PARN: variants seen among roughly 807,000 people sequenced by gnomAD.
PARN encodes poly(A)-specific ribonuclease.
PARN carries 71 observed loss-of-function variants against 102.8 expected under a neutral mutation model. The ratio of observed to expected loss-of-function variants is 0.69; its 90% CI spans 0.57 to 0.84. PARN has a LOEUF of 0.84. Among genes scored for constraint, PARN ranks in the 40% least tolerant of loss-of-function variants. The probability of loss-of-function intolerance (pLI) is 0.00; values close to 1 mark genes in which losing one functional copy is unlikely to be tolerated. For synonymous variants in PARN, 261 were observed against 252.9 expected (o/e 1.03, Z -0.30); for missense variants, 782 against 760.9 (o/e 1.03, Z -0.33).
intron 18 of PARN, among the ~76,000 whole-genome samples, chr16:14,567,314 A>G (rs1176769357): frequency 6.6e-6 from 1 of 152,102 alleles, no homozygotes; most frequent in African/African-American, 2.4e-5. Context: ...CAGTGCTAAA[A>G]TTTCACTCCT....
At chr16:14,517,835 C>G (rs1269037625) in intron 21 of PARN, among the ~76,000 whole-genome samples, 1 of 152,032 alleles carries the variant, frequency 6.6e-6, no homozygotes. Flanking sequence ...TGCGCCACCA[C>G]ACCCAGCTAA....
chr16:14,620,363 C>T (rs980862241), intron 5 of PARN, among the ~76,000 whole-genome samples: 13 of 152,060 alleles, frequency 8.5e-5, no homozygotes, highest in Non-Finnish European at 1.8e-4. Flanking sequence ...GGCGACAGAG[C>T]GAGACTCCAT....
chr16:14,463,965 C>T (rs1303332102), intron 22 of PARN, among the ~76,000 whole-genome samples: 7 of 151,832 alleles, frequency 4.6e-5, no homozygotes, highest in South Asian at 2.1e-4. Context: ...ACCCTAGTAA[C>T]TGGGACTACT....
intron 23 of PARN, among the ~76,000 whole-genome samples, chr16:14,438,817 G>C (rs528834418): frequency 6.6e-6 from 1 of 152,308 alleles, no homozygotes; most frequent in South Asian, 2.1e-4. Flanking sequence ...GAGCGAGAAT[G>C]ATGTGTACAA....
At chr16:14,512,275 G>A (rs999702554) in intron 21 of PARN, among the ~76,000 whole-genome samples, 2 of 152,148 alleles carry the variant, frequency 1.3e-5, no homozygotes, top group African/African-American at 2.4e-5. Context: ...GCTGAGGCAG[G>A]CAGATTGCTT....
chr16:14,619,754 A>G (rs1972172623), intron 5 of PARN, among the ~76,000 whole-genome samples: 2 of 151,506 alleles, frequency 1.3e-5, no homozygotes, highest in Non-Finnish European at 2.9e-5. Context: ...GGGTGACAGA[A>G]CAAGTCTCTG....
chr16:14,625,867 A>G (rs1231673934), intron 5 of PARN, among the ~76,000 whole-genome samples: 2 of 152,242 alleles, frequency 1.3e-5, no homozygotes, highest in African/African-American at 2.4e-5. Flanking sequence ...GATAGGATGC[A>G]AGATTTTAAG....
At chr16:14,528,171 A>G (rs1435299555) in intron 21 of PARN, among the ~76,000 whole-genome samples, 1 of 152,228 alleles carries the variant, frequency 6.6e-6, no homozygotes, top group African/African-American at 2.4e-5. Context: ...TTCACCTTAC[A>G]GCAAACTTCT....
intron 6 of PARN, among the ~76,000 whole-genome samples, chr16:14,614,892 A>C (rs532971483): frequency 3.3e-5 from 5 of 150,446 alleles, no homozygotes; most frequent in Middle Eastern, 3.4e-3. Context: ...AAGAAAAGAA[A>C]ATTCAGGTGT....
rs1223817351 is a variant in PARN, at chr16:14,627,266, T to C, written c.245+3A>G. 10 of 1,592,304 alleles carry C rather than the reference T, an allele frequency of 6.3e-6. No individual in the cohort carries two copies. Among genetic ancestry groups the C allele is most frequent in the Non-Finnish European group, 8.6e-6 (10 of 1,167,682 alleles). On this transcript the variant is annotated splice_donor_region_variant and intron_variant, in intron 4 of 23. Coordinates refer to ENST00000437198, the MANE Select transcript of PARN (RefSeq NM_002582.4). ...ATTCCCAACGTTTGTTAACACAACC[T>C]ACTTTGAATCTGTGTAGTCATACTT...
At chr16:14,568,890 T>C (rs1596696829) in intron 18 of PARN, among the ~76,000 whole-genome samples, 2 of 147,240 alleles carry the variant, frequency 1.4e-5, no homozygotes, top group South Asian at 2.2e-4. Context: ...CAAGACTCCA[T>C]CTCAAAAAAA....
At chr16:14,437,588 G>C (rs1485199454) in intron 23 of PARN, among the ~76,000 whole-genome samples, 1 of 152,190 alleles carries the variant, frequency 6.6e-6, no homozygotes, top group Non-Finnish European at 1.5e-5. Flanking sequence ...GGACTTCAAC[G>C]AATGTGAGGG....
chr16:14,533,109 G>T (rs1966440447), intron 21 of PARN, among the ~76,000 whole-genome samples: 1 of 152,054 alleles, frequency 6.6e-6, no homozygotes, highest in African/African-American at 2.4e-5. Flanking sequence ...ACTCCAGCCT[G>T]GGCACCATTG....
Position 14,555,659 on chromosome 16 carries a change from G to T in PARN, c.1313C>A (p.Pro438Gln). The change falls in exon 19 of 24, where the codon CCA becomes CAA. Residue 438 changes from proline to glutamine, a missense_variant. Transcript: ENST00000437198. ...GAAAATAAAAATTTACTTACAGTCT[G>T]GTCCTTCCAAGTTTAGATAGGGGAT... ...MDIPYLNLEG[P>Q]DLQPKRDHVL... 7.0e-7 allele frequency: 1 copy of T among 1,423,888 alleles called. No homozygotes were observed. The highest frequency in any genetic ancestry group is 9.6e-7 in the Non-Finnish European group (1 of 1,038,834). The allele number at this position is 1,423,888 out of a possible 1,614,324, so 88.2% of individuals were successfully genotyped here. A position where few individuals can be genotyped will look rare whatever the true frequency, so the allele number is the denominator to read the frequency against.
intron 22 of PARN, among the ~76,000 whole-genome samples, chr16:14,472,172 T>C (rs1364724804): frequency 6.6e-6 from 1 of 152,238 alleles, no homozygotes; most frequent in African/African-American, 2.4e-5. Flanking sequence ...CACATCTTTA[T>C]TAAAAACCAA....
intron 21 of PARN, among the ~76,000 whole-genome samples, chr16:14,489,226 A>G (rs1194746931): frequency 6.6e-6 from 1 of 152,172 alleles, no homozygotes; most frequent in Non-Finnish European, 1.5e-5. Context: ...AGCAATAGGT[A>G]GATGTAATTT....
At chr16:14,495,195 GGAA>G (rs1198799651) in intron 21 of PARN, among the ~76,000 whole-genome samples, 1 of 152,138 alleles carries the variant, frequency 6.6e-6, no homozygotes, top group African/African-American at 2.4e-5. Flanking sequence ...GCTTCAAGGA[GGAA>G]GAAGAGGCCA....
At chr16:14,443,804 T>C (rs1961065665) in intron 23 of PARN, among the ~76,000 whole-genome samples, 1 of 152,200 alleles carries the variant, frequency 6.6e-6, no homozygotes, top group Non-Finnish European at 1.5e-5. Context: ...ATGCCCTCAC[T>C]GCCAGTGCTG....
intron 18 of PARN, among the ~76,000 whole-genome samples, chr16:14,567,726 G>A (rs1475776050): frequency 2.6e-5 from 4 of 152,156 alleles, no homozygotes; most frequent in Admixed American, 2.6e-4. Context: ...GGAAAGGGAT[G>A]AGAAGGGATG....
Sources: gnomAD v4.1 joint callset for allele counts (sites outside exome capture counted in the v4.1 genomes callset) on GRCh38, gnomAD v4.1.1 for gene constraint, MANE v1.5 for transcripts, NCBI Gene and HGNC (gene_info 2026-07-23, HGNC 2026-07-21) for gene names.